SNX29: variants seen among roughly 807,000 people sequenced by gnomAD.
The protein encoded by SNX29 is sorting nexin 29, also known as sorting nexin-29.
Under a neutral mutation model 102.1 loss-of-function variants are expected in SNX29, and 78 were observed. That is an observed-to-expected ratio of 0.76 (90% CI 0.64 to 0.92). The LOEUF is 0.92. Among genes scored for constraint, SNX29 ranks in the 40% least tolerant of loss-of-function variants. The pLI is 0.00. For synonymous variants in SNX29, 580 were observed against 414.5 expected (o/e 1.40, Z -4.85); for missense variants, 1,280 against 1,061.7 (o/e 1.21, Z -2.86).
chr16:12,438,435 C>T (rs189331121), intron 18 of SNX29, among the ~76,000 whole-genome samples: 3 of 152,188 alleles, frequency 2.0e-5, no homozygotes, highest in Non-Finnish European at 2.9e-5. Context: ...TTTACCCGCT[C>T]ACTCCAGCCC....
chr16:11,993,021 C>G (rs1464193321), intron 1 of SNX29, among the ~76,000 whole-genome samples: 4 of 151,778 alleles, frequency 2.6e-5, no homozygotes, highest in Non-Finnish European at 5.9e-5. Flanking sequence ...AAAAATTAGC[C>G]AAGCGTGGTG....
intron 19 of SNX29, among the ~76,000 whole-genome samples, chr16:12,516,814 A>C (rs1485543388): frequency 2.0e-5 from 3 of 152,184 alleles, no homozygotes; most frequent in Non-Finnish European, 4.4e-5. Context: ...TGCGTTGCAA[A>C]GACACACTTG....
At chr16:12,334,024 G>A (rs1459754982) in intron 15 of SNX29, among the ~76,000 whole-genome samples, 1 of 152,134 alleles carries the variant, frequency 6.6e-6, no homozygotes. Flanking sequence ...AAATATCTGG[G>A]ATGTTTAATT....
At chr16:12,287,846 T>C (rs1163791109) in intron 15 of SNX29, among the ~76,000 whole-genome samples, 1 of 152,170 alleles carries the variant, frequency 6.6e-6, no homozygotes, top group Admixed American at 6.5e-5. Flanking sequence ...ACGTGTCATT[T>C]ATTAGTTGAA....
chr16:12,136,646 G>A (rs2054671677), intron 13 of SNX29, among the ~76,000 whole-genome samples: 2 of 152,220 alleles, frequency 1.3e-5, no homozygotes, highest in Non-Finnish European at 2.9e-5. Flanking sequence ...GAGCAAAGAT[G>A]GCCTCTGGTA....
At chr16:12,223,945 A>G (rs2077541928) in intron 14 of SNX29, among the ~76,000 whole-genome samples, 1 of 152,060 alleles carries the variant, frequency 6.6e-6, no homozygotes, top group Non-Finnish European at 1.5e-5. Flanking sequence ...GTAGCCTCGG[A>G]GGGGTTCAGC....
intron 20 of SNX29, chr16:12,557,318 C>T (rs989376293): frequency 6.6e-6 from 1 of 152,072 alleles, no homozygotes; most frequent in African/African-American, 2.4e-5. Flanking sequence ...GGCAAAGTCA[C>T]CTTCAGAGAG....
chr16:12,272,896 C>G (rs2079133118), intron 14 of SNX29, among the ~76,000 whole-genome samples: 1 of 152,184 alleles, frequency 6.6e-6, no homozygotes, highest in East Asian at 1.9e-4. Context: ...GGAAGGGTAA[C>G]TGTCTTTGAC....
chr16:12,432,473 T>C (rs2085352681), intron 18 of SNX29, among the ~76,000 whole-genome samples: 3 of 152,170 alleles, frequency 2.0e-5, no homozygotes, highest in African/African-American at 7.2e-5. Context: ...AGACACATCT[T>C]CTGGAGAAAA....
chr16:12,430,329 G>T (rs1239189724), intron 18 of SNX29, among the ~76,000 whole-genome samples: 1 of 152,208 alleles, frequency 6.6e-6, no homozygotes, highest in Non-Finnish European at 1.5e-5. Flanking sequence ...CTTGGAGGGT[G>T]GTTGTGAAGT....
At chr16:12,356,538 C>T (rs559115758) in intron 16 of SNX29, among the ~76,000 whole-genome samples, 10 of 152,210 alleles carry the variant, frequency 6.6e-5, no homozygotes, top group African/African-American at 1.2e-4. Context: ...CCCCTCCCCC[C>T]GCAAACCCAT....
At chr16:12,259,439 G>C (rs767695794) in intron 14 of SNX29, among the ~76,000 whole-genome samples, 1 of 152,072 alleles carries the variant, frequency 6.6e-6, no homozygotes, top group African/African-American at 2.4e-5. Context: ...CCCTAGTTCT[G>C]CTGGGTGAGG....
At chr16:12,349,894 A>G (rs778657281) in intron 15 of SNX29, among the ~76,000 whole-genome samples, 33 of 152,352 alleles carry the variant, frequency 2.2e-4, no homozygotes, top group Non-Finnish European at 4.1e-4. Context: ...TCTTTTTTAA[A>G]AAACTTTCAA....
intron 18 of SNX29, among the ~76,000 whole-genome samples, chr16:12,423,293 A>G (rs2084938574): frequency 6.6e-6 from 1 of 152,106 alleles, no homozygotes; most frequent in African/African-American, 2.4e-5. Context: ...ATAAGAGCTG[A>G]TGACTGAACA....
chr16:12,127,296 A>G (rs1316629388), intron 12 of SNX29, among the ~76,000 whole-genome samples: 5 of 151,956 alleles, frequency 3.3e-5, no homozygotes, highest in Admixed American at 6.6e-5. Context: ...AAATAAATGA[A>G]GTGTGTAATT....
chr16:12,165,843 C>A (rs1205780063), intron 13 of SNX29, among the ~76,000 whole-genome samples: 1 of 152,212 alleles, frequency 6.6e-6, no homozygotes, highest in Non-Finnish European at 1.5e-5. Context: ...GGATTACTGG[C>A]GTGAGCCACC....
intron 19 of SNX29, among the ~76,000 whole-genome samples, chr16:12,495,410 A>T (rs2088772702): frequency 6.6e-6 from 1 of 152,092 alleles, no homozygotes; most frequent in South Asian, 2.1e-4. Context: ...AACTTCCCCA[A>T]GTGCTGGGAT....
At chr16:12,402,081 C>A (rs1478085309) in intron 17 of SNX29, among the ~76,000 whole-genome samples, 1 of 152,218 alleles carries the variant, frequency 6.6e-6, no homozygotes, top group Non-Finnish European at 1.5e-5. Flanking sequence ...ATTTCAGGGA[C>A]CTTTCCAGGA....
At chr16:12,298,958 G>C (rs1010253430) in intron 15 of SNX29, among the ~76,000 whole-genome samples, 1 of 150,838 alleles carries the variant, frequency 6.6e-6, no homozygotes, top group Non-Finnish European at 1.5e-5. Context: ...ATAATGAGTT[G>C]GTTCCTTTCC....
Sources: gnomAD v4.1 joint callset for allele counts (sites outside exome capture counted in the v4.1 genomes callset) on GRCh38, gnomAD v4.1.1 for gene constraint, MANE v1.5 for transcripts, NCBI Gene and HGNC (gene_info 2026-07-23, HGNC 2026-07-21) for gene names.